Variants in INHBC observed in about 807,000 individuals in gnomAD.
The protein encoded by INHBC is inhibin beta C chain.
INHBC carries 10 observed loss-of-function variants against 12.4 expected under a neutral mutation model. That is an observed-to-expected ratio of 0.81 (90% CI 0.50 to 1.37). The LOEUF is 1.37. INHBC is among the 40% of genes most tolerant of loss of function. The pLI is 0.00. For synonymous variants in INHBC, 147 were observed against 171.6 expected (o/e 0.86, Z 1.12); for missense variants, 382 against 439.4 (o/e 0.87, Z 1.17).
At chr12:57,442,367 C>T (rs1288825159) in intron 1 of INHBC, among the ~76,000 whole-genome samples, 1 of 152,204 alleles carries the variant, frequency 6.6e-6, no homozygotes, top group East Asian at 1.9e-4. Context: ...TAGTCTACTA[C>T]AGCCCCTGTT....
chr12:57,438,847 G>A (rs1050300645), intron 1 of INHBC, among the ~76,000 whole-genome samples: 14 of 152,098 alleles, frequency 9.2e-5, no homozygotes, highest in Admixed American at 5.2e-4. Context: ...CATCAGGATC[G>A]GGCTAAAGTT....
intron 1 of INHBC, among the ~76,000 whole-genome samples, chr12:57,442,896 C>T (rs1373643008): frequency 6.7e-6 from 1 of 150,170 alleles, no homozygotes; most frequent in East Asian, 2.0e-4. Flanking sequence ...GAGGCAGAGG[C>T]AGGAGAATTG....
At chr12:57,436,129 G>A (rs1001406081) in intron 1 of INHBC, among the ~76,000 whole-genome samples, 1 of 150,292 alleles carries the variant, frequency 6.7e-6, no homozygotes, top group Non-Finnish European at 1.5e-5. Flanking sequence ...ACAGGCGTGA[G>A]CCACCGCGCC....
chr12:57,441,354 CAAAAA>C (rs1171735520), intron 1 of INHBC, among the ~76,000 whole-genome samples: 1 of 33,928 alleles, frequency 2.9e-5, no homozygotes, highest in East Asian at 1.1e-3. Context: ...AATTCCATCT[CAAAAA>C]AAAAAAAAAA....
intron 1 of INHBC, among the ~76,000 whole-genome samples, chr12:57,442,811 G>A (rs1870493150): frequency 1.3e-5 from 2 of 152,010 alleles, no homozygotes; most frequent in East Asian, 3.9e-4. Flanking sequence ...CCAACATGGG[G>A]GAAACCCTGT....
Position 57,449,736 on chromosome 12 carries a change from A to G in INHBC, c.773A>G (p.Glu258Gly), listed in dbSNP as rs1233624472. The change falls in exon 2 of 2, where the codon GAG becomes GGG. Residue 258 changes from glutamate to glycine, a missense_variant. By Grantham distance (98) the Glu-to-Gly change is moderately conservative. Transcript: ENST00000309668. ...CAAGAGTTTTTTGTGGACTTCCGTG[A>G]GATTGGCTGGCACGACTGGATCATC... ...CRQEFFVDFR[E>G]IGWHDWIIQP... 1.9e-6 allele frequency: 3 copies of G among 1,614,126 alleles called. No homozygotes were observed. The highest frequency in any genetic ancestry group is 2.5e-6 in the Non-Finnish European group (3 of 1,180,048).
intron 1 of INHBC, among the ~76,000 whole-genome samples, chr12:57,444,617 AT>A (rs1055101777): frequency 3.3e-5 from 5 of 151,758 alleles, no homozygotes; most frequent in African/African-American, 1.2e-4. Flanking sequence ...AGGATGATGT[AT>A]TAGAGAGATG....
chr12:57,441,141 G>T (rs1870454120), intron 1 of INHBC, among the ~76,000 whole-genome samples: 1 of 151,948 alleles, frequency 6.6e-6, no homozygotes, highest in Non-Finnish European at 1.5e-5. Flanking sequence ...ATCACCTGAG[G>T]TCAGGAGTTC....
At chr12:57,449,158 GT>G in intron 1 of INHBC, 118 bp from the exon 2 acceptor site, 1 of 1,309,446 alleles carries the variant, frequency 7.6e-7, no homozygotes, top group Non-Finnish European at 1.0e-6. Flanking sequence ...TGGAGGACAT[GT>G]TTAAACTGTA....
At position 57,449,663 on chromosome 12, in the gene INHBC, C is replaced by T; in HGVS notation, c.700C>T (p.His234Tyr). Residue 234 changes from histidine to tyrosine, a missense_variant, in exon 2 of 2, where the codon CAC (histidine) becomes TAC (tyrosine). Coordinates refer to ENST00000309668, the MANE Select transcript of INHBC (RefSeq NM_005538.4). Reference sequence around the variant, plus strand: ...GAGAGTTGGGGGCAAACACCAGATTCACCGACGAGGCATCGACTGCCAAGG... The same window carrying T: ...GAGAGTTGGGGGCAAACACCAGATTTACCGACGAGGCATCGACTGCCAAGG... Reference protein sequence around the residue: ...RVRVGGKHQIHRRGIDCQGGS... With the variant: ...RVRVGGKHQIYRRGIDCQGGS... 6.2e-7 allele frequency: 1 copy of T among 1,614,262 alleles called. No individual in the cohort carries two copies. The highest frequency in any genetic ancestry group is 1.3e-5 in the African/African-American group (1 of 75,078).
At chr12:57,442,291 T>C (rs1009615299) in intron 1 of INHBC, among the ~76,000 whole-genome samples, 1 of 152,146 alleles carries the variant, frequency 6.6e-6, no homozygotes, top group Non-Finnish European at 1.5e-5. Flanking sequence ...CCAGAATTAA[T>C]ATGGAAAGGG....
Position 57,449,542 on chromosome 12 carries a change from G to T in INHBC, c.579G>T (p.Gly193=), listed in dbSNP as rs745650376. Residue 193 remains glycine, a synonymous_variant, in exon 2 of 2, where the codon GGG becomes GGT. Coordinates refer to ENST00000309668, the MANE Select transcript of INHBC (RefSeq NM_005538.4). ...GPEAQAACSQ[G]HLTLELVLEG... is the part of the protein sequence containing the mutation. Reference sequence around the variant, plus strand: ...AAGCTCAAGCTGCCTGCAGCCAGGGGCACCTGACCCTGGAGCTGGTACTTG... The same window carrying T: ...AAGCTCAAGCTGCCTGCAGCCAGGGTCACCTGACCCTGGAGCTGGTACTTG... 8.9e-5 allele frequency: 144 copies of T among 1,614,088 alleles called. No individual in the cohort carries two copies. The highest frequency in any genetic ancestry group is 1.2e-4 in the Non-Finnish European group (140 of 1,180,030).
chr12:57,437,911 G>A (rs1195123899), intron 1 of INHBC, among the ~76,000 whole-genome samples: 6 of 151,682 alleles, frequency 4.0e-5, no homozygotes, highest in African/African-American at 7.3e-5. Context: ...TCAGCCTCCC[G>A]AGTATCTGGA....
chr12:57,445,464 T>G (rs1870553298), intron 1 of INHBC, among the ~76,000 whole-genome samples: 1 of 152,188 alleles, frequency 6.6e-6, no homozygotes, highest in African/African-American at 2.4e-5. Flanking sequence ...GAAGTAGAGT[T>G]GATAAAACTT....
intron 1 of INHBC, among the ~76,000 whole-genome samples, chr12:57,443,972 A>G (rs767104478): frequency 6.6e-6 from 1 of 152,004 alleles, no homozygotes; most frequent in Non-Finnish European, 1.5e-5. Flanking sequence ...TATGTTTAGT[A>G]GAAATGGGGT....
chr12:57,443,482 C>A (rs1208418696), intron 1 of INHBC, among the ~76,000 whole-genome samples: 1 of 151,912 alleles, frequency 6.6e-6, no homozygotes, highest in Non-Finnish European at 1.5e-5. Context: ...TGGGGTTTCT[C>A]CATGTTGGTC....
chr12:57,448,977 AAG>A (rs1870646480), intron 1 of INHBC, among the ~76,000 whole-genome samples: 1 of 152,176 alleles, frequency 6.6e-6, no homozygotes, highest in South Asian at 2.1e-4. Context: ...CAGAAGGGCA[AAG>A]AGAGGGTGGG....
At chr12:57,448,017 A>G (rs1223370254) in intron 1 of INHBC, among the ~76,000 whole-genome samples, 1 of 147,798 alleles carries the variant, frequency 6.8e-6, no homozygotes, top group Non-Finnish European at 1.5e-5. Context: ...TATTTATAAG[A>G]TGGGGTCTTG....
chr12:57,447,235 A>AGT (rs1434465730), intron 1 of INHBC, among the ~76,000 whole-genome samples: 1 of 151,832 alleles, frequency 6.6e-6, no homozygotes, highest in African/African-American at 2.4e-5. Flanking sequence ...CTCAGGATGG[A>AGT]GTGCAATGGT....
Sources: gnomAD v4.1 joint callset for allele counts (sites outside exome capture counted in the v4.1 genomes callset) on GRCh38, gnomAD v4.1.1 for gene constraint, MANE v1.5 for transcripts, NCBI Gene and HGNC (gene_info 2026-07-23, HGNC 2026-07-21) for gene names.